ZNF518A: variants seen among roughly 807,000 people sequenced by gnomAD.
ZNF518A encodes the protein zinc finger protein 518.
A neutral mutation model predicts 102.7 loss-of-function variants in ZNF518A; 47 were observed. The observed-to-expected ratio is 0.46, with a 90% CI of 0.36 to 0.58. The LOEUF is 0.58. ZNF518A is among the 20% of genes least tolerant of loss of function. ZNF518A has a pLI of 0.00. For missense variants in ZNF518A, 1,793 were observed against 1,699.8 expected (o/e 1.05, Z -0.96); for synonymous variants, 652 against 594.6 (o/e 1.10, Z -1.40).
rs1046322318 is a variant in ZNF518A, at chr10:96,200,327, G to A, written n.36-3247G>A. ...TTTGATCAAACACAAGGATTATACC[G>A]TTAACTTGTTTTTTGTATTTTTTTT... is the stretch of plus-strand genomic sequence containing the variant. On this transcript the variant is annotated intron_variant and non_coding_transcript_variant, in intron 1 of 2. Transcript: ENST00000442635. The surrounding 1 kb of genome is among the most constrained non-coding windows in gnomAD (Gnocchi z 4.3). 5.9e-5 allele frequency among the ~76,000 whole-genome samples: 9 copies of A among 151,936 alleles called. No individual in the cohort carries two copies. The highest frequency in any genetic ancestry group is 1.9e-4 in the African/African-American group (8 of 41,350).
chr10:96,138,937 A>ATT (rs782442450), intron 3 of ZNF518A, among the ~76,000 whole-genome samples: 2,634 of 136,016 alleles, frequency 0.019, 46 homozygotes, highest in Non-Finnish European at 0.029. Context: ...AAAGTGGCGA[A>ATT]TTTTTTTTTT....
rs1355248303 is a variant in ZNF518A at position 96,161,795 on chromosome 10, A to G, written c.*1021A>G. ...GAACATGTCCAAATTAGGACAAAGC[A>G]TTTCTGTTAGCTGCTTCTCAGTGTG... is the stretch of plus-strand genomic sequence containing the variant. On this transcript the variant is annotated 3_prime_UTR_variant, in exon 6 of 6. Transcript: ENST00000316045. The G allele has an allele frequency of 6.0e-6, 1 of 166,984 alleles. No individual in the cohort carries two copies. The highest frequency in any genetic ancestry group is 1.5e-5 in the Non-Finnish European group (1 of 68,030). The allele number at this position is 166,984 out of a possible 1,614,324, so 10.3% of individuals were successfully genotyped here.
rs782123732 is a variant in ZNF518A, at chr10:96,159,555, T to C, written c.3233T>C (p.Ile1078Thr). 1.9e-5 allele frequency: 31 copies of C among 1,613,784 alleles called. No individual in the cohort carries two copies. The highest frequency in any genetic ancestry group is 1.6e-4 in the East Asian group (7 of 44,894). Residue 1078 changes from isoleucine (I) to threonine (T), a missense_variant, in exon 6 of 6, where the codon ATC (isoleucine) becomes ACC (threonine). Transcript: ENST00000316045. ...LSEQQSTKLN[I>T]SDSVKQQNEI... is the part of the protein sequence containing the mutation. Reference sequence around the variant, plus strand: ...GAGCAACAGAGCACTAAGTTGAATATCTCCGATTCAGTAAAACAGCAGAAT... The same window carrying C: ...GAGCAACAGAGCACTAAGTTGAATACCTCCGATTCAGTAAAACAGCAGAAT...
chr10:96,148,671 T>G (rs1006466090), intron 3 of ZNF518A, among the ~76,000 whole-genome samples: 5 of 152,180 alleles, frequency 3.3e-5, no homozygotes, highest in Non-Finnish European at 5.9e-5. Context: ...CTCTTTGGGC[T>G]GGGCCAGGCA....
At position 96,163,566 on chromosome 10, in the gene ZNF518A, G is replaced by GT. The variant is rs2083078151; in HGVS notation, c.*2793dup. 1 of 166,922 alleles carries GT rather than the reference G, an allele frequency of 6.0e-6. No homozygotes were observed. Among genetic ancestry groups the GT allele is most frequent in the South Asian group, 2.1e-4 (1 of 4,828 alleles). 10.3% of individuals were successfully genotyped at this position (166,922 alleles called of 1,614,324 possible). A position where few individuals can be genotyped will look rare whatever the true frequency, so the allele number is the denominator to read the frequency against. ...AGTATTCAGTAACACAAATTGAAAT[G>GT]TAATAGTTTTTTTAATGGAAAATAT... On this transcript the variant is annotated 3_prime_UTR_variant, in exon 6 of 6. Coordinates refer to ENST00000316045, the MANE Select transcript of ZNF518A (RefSeq NM_001330736.2).
chr10:96,167,750 TAACTC>T (rs1219501779), downstream of ZNF518A, among the ~76,000 whole-genome samples: 1 of 152,018 alleles, frequency 6.6e-6, no homozygotes, highest in Admixed American at 6.6e-5. Context: ...ACACAAAAAT[TAACTC>T]AAAATGGATC....
At chr10:96,184,938 C>T (rs587689484) in intron 1 of ZNF518A, among the ~76,000 whole-genome samples, 1 of 152,186 alleles carries the variant, frequency 6.6e-6, no homozygotes, top group African/African-American at 2.4e-5. Flanking sequence ...TTCAGGTACA[C>T]CAATCAAACG....
At chr10:96,147,158 A>G (rs2082208544) in intron 3 of ZNF518A, among the ~76,000 whole-genome samples, 1 of 152,250 alleles carries the variant, frequency 6.6e-6, no homozygotes, top group Admixed American at 6.5e-5. Flanking sequence ...AGGGAAAAGC[A>G]GGAACATCAT....
chr10:96,146,133 ATT>A (rs1554878420), intron 3 of ZNF518A, among the ~76,000 whole-genome samples: 1 of 152,092 alleles, frequency 6.6e-6, no homozygotes, highest in Non-Finnish European at 1.5e-5. Flanking sequence ...GTTAGATATC[ATT>A]GTGTTAATAA....
intron 3 of ZNF518A, among the ~76,000 whole-genome samples, chr10:96,147,296 T>A (rs192393319): frequency 2.0e-5 from 3 of 152,342 alleles, no homozygotes; most frequent in Non-Finnish European, 4.4e-5. Context: ...CCTCAGTGTG[T>A]CTTTTGATGT....
intron 1 of ZNF518A, among the ~76,000 whole-genome samples, chr10:96,171,693 C>T (rs1198815489): frequency 3.3e-5 from 5 of 152,188 alleles, no homozygotes; most frequent in African/African-American, 1.2e-4. Context: ...CACATAGACA[C>T]ATGTATAATG....
chr10:96,204,798 G>A, downstream of ZNF518A: 1 of 611,238 alleles, frequency 1.6e-6, no homozygotes, highest in East Asian at 3.1e-5. Flanking sequence ...GTGCTATGAG[G>A]ACCAGGACTC....
intron 1 of ZNF518A, among the ~76,000 whole-genome samples, chr10:96,191,430 T>C (rs990774962): frequency 6.6e-6 from 1 of 152,082 alleles, no homozygotes; most frequent in Non-Finnish European, 1.5e-5. Context: ...AGAAAGTTCA[T>C]ATCCATATAT....
At chr10:96,170,703 A>G (rs1472546211) in intron 1 of ZNF518A, among the ~76,000 whole-genome samples, 3 of 152,172 alleles carry the variant, frequency 2.0e-5, no homozygotes, top group Admixed American at 2.0e-4. Flanking sequence ...AGTCTTTGCT[A>G]TTTTCACTGA....
chr10:96,139,483 A>T (rs1048858550), intron 3 of ZNF518A, among the ~76,000 whole-genome samples: 5 of 152,180 alleles, frequency 3.3e-5, no homozygotes, highest in African/African-American at 9.7e-5. Context: ...CAGTGAGAAG[A>T]TGGCCACCTG....
At chr10:96,192,199 C>T in intron 1 of ZNF518A, 1 of 1,453,060 alleles carries the variant, frequency 6.9e-7, no homozygotes, top group Non-Finnish European at 9.5e-7. Context: ...TTATTACACC[C>T]CAGCTGACAT....
rs1186951496 is a variant in ZNF518A at position 96,203,967 on chromosome 10, G to A, written n.138G>A. The A allele has an allele frequency of 2.7e-5, 29 of 1,067,194 alleles. 1 individual carries two copies. The highest frequency in any genetic ancestry group is 1.4e-4 in the Admixed American group (8 of 55,634). The allele number at this position is 1,067,194 out of a possible 1,614,324, so 66.1% of individuals were successfully genotyped here. A position where few individuals can be genotyped will look rare whatever the true frequency, so the allele number is the denominator to read the frequency against. On this transcript the variant is annotated non_coding_transcript_exon_variant, in exon 3 of 3. Transcript: ENST00000442635. ...ATGCCAGGATAACGCAGCTGGAAGC[G>A]ACAGTGCTGTGTTAGAACCCAGGCC...
At chr10:96,146,797 G>A (rs587678302) in intron 3 of ZNF518A, among the ~76,000 whole-genome samples, 3 of 152,214 alleles carry the variant, frequency 2.0e-5, no homozygotes, top group Admixed American at 2.0e-4. Context: ...TTGGTATTTT[G>A]GTGACTATAA....
chr10:96,140,787 A>G (rs1443778179), intron 3 of ZNF518A, among the ~76,000 whole-genome samples: 1 of 151,504 alleles, frequency 6.6e-6, no homozygotes, highest in African/African-American at 2.4e-5. Context: ...AAAGAATTGG[A>G]AAAATTAGCT....
Sources: gnomAD v4.1 joint callset for allele counts (sites outside exome capture counted in the v4.1 genomes callset) on GRCh38, gnomAD v4.1.1 for gene constraint, Gnocchi (gnomAD v3.1) non-coding constraint, MANE v1.5 for transcripts, NCBI Gene and HGNC (gene_info 2026-07-23, HGNC 2026-07-21) for gene names.